TUB: variants seen among roughly 807,000 people sequenced by gnomAD.
TUB encodes TUB bipartite transcription factor.
TUB carries 33 observed loss-of-function variants against 59.7 expected under a neutral mutation model. The observed-to-expected ratio is 0.55, with a 90% CI of 0.42 to 0.74. TUB has a LOEUF of 0.74. TUB is among the 30% of genes least tolerant of loss of function. The pLI, the probability that TUB is intolerant of heterozygous loss-of-function variation, is 0.00. For synonymous variants in TUB, 293 were observed against 256.4 expected (o/e 1.14, Z -1.36); for missense variants, 659 against 672.0 (o/e 0.98, Z 0.21).
At chr11:8,083,186 G>A (rs994064854) in intron 1 of TUB, among the ~76,000 whole-genome samples, 1 of 152,238 alleles carries the variant, frequency 6.6e-6, no homozygotes, top group Admixed American at 6.5e-5. Flanking sequence ...CGGCAGAGGT[G>A]CCTGGGCGGT....
Position 8,102,000 on chromosome 11 carries a change from C to T in TUB, c.*381C>T, listed in dbSNP as rs922355126. ...CACTGCAGGGCTGCTGTGGCCCAGT[C>T]GTCCGCTCAGCCAAGGAGTCAGATG... is the stretch of plus-strand genomic sequence containing the variant. On this transcript the variant is annotated 3_prime_UTR_variant, in exon 12 of 12. Transcript: ENST00000299506. The T allele has an allele frequency of 1.5e-4, 33 of 224,306 alleles. No homozygotes were observed. Among genetic ancestry groups the T allele is most frequent in the Non-Finnish European group, 2.6e-4 (30 of 113,552 alleles). The allele number at this position is 224,306 out of a possible 1,614,324, so 13.9% of individuals were successfully genotyped here.
intron 2 of TUB, among the ~76,000 whole-genome samples, chr11:8,043,369 C>T (rs1369702989): frequency 6.6e-6 from 1 of 152,084 alleles, no homozygotes; most frequent in East Asian, 1.9e-4. Context: ...GAGTTCTCCA[C>T]CTTTGTTCTT....
In TUB at chr11:8,105,051, A is replaced by T. The variant is rs1301925673; in HGVS notation, c.*3432A>T. On this transcript the variant is annotated 3_prime_UTR_variant, in exon 12 of 12. Transcript: ENST00000299506. Reference sequence around the variant, plus strand: ...GGGTTGGTTTCAAAGAAAAAGGTCCATGCTTTGCTTACAATGGAGTCTGCA... The same window carrying T: ...GGGTTGGTTTCAAAGAAAAAGGTCCTTGCTTTGCTTACAATGGAGTCTGCA... The T allele has an allele frequency of 6.6e-6, 1 of 152,022 alleles. No homozygotes were observed. The highest frequency in any genetic ancestry group is 1.5e-5 in the Non-Finnish European group (1 of 68,016). The allele number at this position is 152,022 out of a possible 1,614,324, so 9.4% of individuals were successfully genotyped here.
chr11:8,048,749 C>G (rs1942879185), intron 2 of TUB, among the ~76,000 whole-genome samples: 3 of 152,002 alleles, frequency 2.0e-5, no homozygotes, highest in African/African-American at 7.3e-5. Flanking sequence ...ATCAGACTTT[C>G]CATAATTTGG....
intron 2 of TUB, among the ~76,000 whole-genome samples, chr11:8,040,828 A>G (rs1401606282): frequency 6.6e-6 from 1 of 152,174 alleles, no homozygotes; most frequent in African/African-American, 2.4e-5. Context: ...ATTTTGAGTG[A>G]TATAAGTTGA....
intron 1 of TUB, among the ~76,000 whole-genome samples, chr11:8,032,703 G>A (rs952051410): frequency 2.6e-5 from 4 of 151,872 alleles, no homozygotes; most frequent in African/African-American, 7.3e-5. Context: ...TCTGGCTCAC[G>A]CCAGGCTCTC....
intron 9 of TUB, among the ~76,000 whole-genome samples, chr11:8,099,857 A>C (rs1028469883): frequency 6.6e-6 from 1 of 152,216 alleles, no homozygotes; most frequent in Non-Finnish European, 1.5e-5. Flanking sequence ...AAAGTCCTGA[A>C]TGCCTGGCAT....
At chr11:8,090,360 A>G in intron 3 of TUB, 129 bp downstream of exon 3, 1 of 1,303,890 alleles carries the variant, frequency 7.7e-7, no homozygotes, top group South Asian at 1.5e-5. Flanking sequence ...CAGCCCAGGC[A>G]GACAGCTGAG....
At chr11:8,087,229 G>A (rs990386131) in intron 1 of TUB, among the ~76,000 whole-genome samples, 9 of 152,368 alleles carry the variant, frequency 5.9e-5, no homozygotes, top group African/African-American at 2.2e-4. Flanking sequence ...CATTGCTGAT[G>A]TGAGTCTTAC....
intron 2 of TUB, among the ~76,000 whole-genome samples, chr11:8,060,491 T>C (rs918708225): frequency 3.3e-5 from 5 of 152,242 alleles, no homozygotes; most frequent in African/African-American, 1.2e-4. Context: ...TGTGTGACCT[T>C]TGGCAGATCT....
rs532006311 is a variant in TUB, at chr11:8,065,858, G to C, written c.204-23752G>C. ...ATAAGTTGTGTGTGGCCTTGTGACAGTGCATGGAAAGCCCCTAGCACCACT... is the reference window on the plus strand; with the variant it reads ...ATAAGTTGTGTGTGGCCTTGTGACACTGCATGGAAAGCCCCTAGCACCACT... On this transcript the variant is annotated intron_variant, in intron 2 of 12. Coordinates refer to the TUB transcript ENST00000305253. Among the ~76,000 whole-genome samples, 9 of 152,298 alleles carry C rather than the reference G, an allele frequency of 5.9e-5. No individual in the cohort carries two copies. In the South Asian group the frequency reaches 1.9e-3, roughly 32 times the overall value.
chr11:8,074,464 G>A (rs1247487274), intron 2 of TUB, among the ~76,000 whole-genome samples: 1 of 152,122 alleles, frequency 6.6e-6, no homozygotes, highest in African/African-American at 2.4e-5. Context: ...AAGGCTGGGT[G>A]CGATGGCTCA....
intron 2 of TUB, among the ~76,000 whole-genome samples, chr11:8,041,668 G>C (rs1206075486): frequency 1.3e-5 from 2 of 152,046 alleles, no homozygotes; most frequent in Non-Finnish European, 2.9e-5. Context: ...TCAGGCCCCT[G>C]AGCCCTAGTT....
At chr11:8,081,120 G>A (rs1438729669), upstream of TUB, among the ~76,000 whole-genome samples, 1 of 146,086 alleles carries the variant, frequency 6.8e-6, no homozygotes, top group Non-Finnish European at 1.5e-5. Flanking sequence ...AGGGCGCTCC[G>A]CAGGCCCTGA....
chr11:8,032,585 A>G (rs1002462495), intron 1 of TUB, among the ~76,000 whole-genome samples: 12 of 152,316 alleles, frequency 7.9e-5, no homozygotes, highest in Admixed American at 1.3e-4. Flanking sequence ...CCGATGCCTG[A>G]GATATTCTCC....
intron 1 of TUB, among the ~76,000 whole-genome samples, chr11:8,088,737 G>C (rs969303715): frequency 2.6e-5 from 4 of 152,196 alleles, no homozygotes; most frequent in African/African-American, 9.7e-5. Context: ...TGTGTCTCTG[G>C]CTAGCAAAAA....
At chr11:8,045,070 A>G (rs1188708920) in intron 2 of TUB, among the ~76,000 whole-genome samples, 3 of 151,088 alleles carry the variant, frequency 2.0e-5, no homozygotes, top group African/African-American at 7.4e-5. Flanking sequence ...TTGGTGAGTG[A>G]ACTCAATCTC....
intron 2 of TUB, among the ~76,000 whole-genome samples, chr11:8,054,507 G>C (rs1261725099): frequency 2.0e-5 from 3 of 152,128 alleles, no homozygotes; most frequent in Admixed American, 1.3e-4. Flanking sequence ...ACAGTTGTGG[G>C]CCCATGTCCA....
upstream of TUB, chr11:8,076,680 T>C (rs1943454031): frequency 6.6e-6 from 1 of 152,222 alleles, no homozygotes; most frequent in Non-Finnish European, 1.5e-5. Flanking sequence ...CAACAAATGA[T>C]AGCTGTGTAT....
Sources: gnomAD v4.1 joint callset for allele counts (sites outside exome capture counted in the v4.1 genomes callset) on GRCh38, gnomAD v4.1.1 for gene constraint, MANE v1.5 for transcripts, NCBI Gene and HGNC (gene_info 2026-07-23, HGNC 2026-07-21) for gene names.